The following AK4 variants were observed in gnomAD, a reference collection of about 807,000 sequenced individuals.
AK4 encodes the protein adenylate kinase 4, mitochondrial.
In AK4, 13 loss-of-function variants were observed where a neutral mutation model predicts 24.6. The observed-to-expected ratio is 0.53, with a 90% CI of 0.34 to 0.84. The LOEUF (loss-of-function observed/expected upper bound fraction) is 0.84, where lower values mean the gene tolerates loss of function less well. Ranked by LOEUF, AK4 falls within the 40% of genes least tolerant of loss-of-function variation. The probability of loss-of-function intolerance (pLI) is 0.01; values close to 1 mark genes in which losing one functional copy is unlikely to be tolerated. For missense variants in AK4, 192 were observed against 288.2 expected, an observed-to-expected ratio of 0.67 and a Z score of 2.42; for synonymous variants, 88 against 107.0, an observed-to-expected ratio of 0.82 and a Z score of 1.10.
At chr1:65,171,888 T>A (rs888717437) in intron 1 of AK4, among the ~76,000 whole-genome samples, 6 of 151,010 alleles carry the variant, frequency 4.0e-5, no homozygotes, top group African/African-American at 1.5e-4. Flanking sequence ...GCCAGTATGG[T>A]GAAACCCTAG....
At chr1:65,189,306 G>C (rs1651213154) in intron 1 of AK4, among the ~76,000 whole-genome samples, 1 of 131,846 alleles carries the variant, frequency 7.6e-6, no homozygotes. Context: ...TTTTTTTTGA[G>C]ATGGAGTTGT....
chr1:65,177,784 T>C (rs1477944861), intron 1 of AK4, among the ~76,000 whole-genome samples: 1 of 152,172 alleles, frequency 6.6e-6, no homozygotes, highest in East Asian at 1.9e-4. Context: ...TGCACCAATT[T>C]GTGTAGACTG....
chr1:65,174,288 T>TA (rs1194065421), intron 1 of AK4, among the ~76,000 whole-genome samples: 1 of 152,080 alleles, frequency 6.6e-6, no homozygotes, highest in African/African-American at 2.4e-5. Context: ...GTTTTTTTTT[T>TA]AACCTGATTA....
At chr1:65,212,747 A>G (rs1235622311) in intron 2 of AK4, among the ~76,000 whole-genome samples, 1 of 152,190 alleles carries the variant, frequency 6.6e-6, no homozygotes, top group Non-Finnish European at 1.5e-5. Context: ...CTGATACAGC[A>G]GCATCGTTGC....
At chr1:65,223,049 T>C (rs907690780) in intron 3 of AK4, among the ~76,000 whole-genome samples, 8 of 152,034 alleles carry the variant, frequency 5.3e-5, no homozygotes, top group Non-Finnish European at 1.2e-4. Context: ...CTGATTGTCA[T>C]GGGTAATTTA....
intron 1 of AK4, among the ~76,000 whole-genome samples, chr1:65,159,612 A>G (rs1650087866): frequency 6.6e-6 from 1 of 152,096 alleles, no homozygotes; most frequent in Non-Finnish European, 1.5e-5. Flanking sequence ...TAGTGAGGCT[A>G]CAGTGAGCTG....
intron 2 of AK4, among the ~76,000 whole-genome samples, chr1:65,218,159 G>A (rs1652187877): frequency 6.6e-6 from 1 of 152,118 alleles, no homozygotes; most frequent in African/African-American, 2.4e-5. Flanking sequence ...TCTGGATGGA[G>A]GATCATACTT....
At chr1:65,157,680 TCGG>T (rs1193087969) in intron 1 of AK4, among the ~76,000 whole-genome samples, 12 of 152,066 alleles carry the variant, frequency 7.9e-5, no homozygotes, top group African/African-American at 2.9e-4. Context: ...TCTCAGCTAC[TCGG>T]GAGGTTGAGG....
chr1:65,165,559 TG>T (rs1304790836), intron 1 of AK4, among the ~76,000 whole-genome samples: 2 of 139,264 alleles, frequency 1.4e-5, no homozygotes, highest in Non-Finnish European at 3.0e-5. Flanking sequence ...ATCCCATGTC[TG>T]GAAAAAAAAA....
intron 2 of AK4, among the ~76,000 whole-genome samples, chr1:65,207,711 C>T (rs1651854030): frequency 6.6e-6 from 1 of 152,154 alleles, no homozygotes; most frequent in African/African-American, 2.4e-5. Context: ...CTGGTTCAAG[C>T]AGTCCCTGTT....
intron 1 of AK4, among the ~76,000 whole-genome samples, chr1:65,153,023 A>AT (rs879930131): frequency 1.3e-5 from 2 of 152,002 alleles, no homozygotes; most frequent in Non-Finnish European, 2.9e-5. Flanking sequence ...GTTCTATTCC[A>AT]TTTCCCCCCC....
intron 1 of AK4, among the ~76,000 whole-genome samples, chr1:65,186,843 C>A (rs1570103710): frequency 6.6e-6 from 1 of 152,148 alleles, no homozygotes; most frequent in East Asian, 1.9e-4. Context: ...AAAACATACA[C>A]TCACACAATG....
intron 1 of AK4, chr1:65,154,589 A>G (rs1429998848): frequency 3.9e-6 from 2 of 514,326 alleles, no homozygotes; most frequent in East Asian, 5.4e-5. Context: ...TGTGGCCTCA[A>G]TACGTGCTGC....
chr1:65,206,875 A>G (rs574558366), intron 2 of AK4, among the ~76,000 whole-genome samples: 1 of 152,330 alleles, frequency 6.6e-6, no homozygotes, highest in African/African-American at 2.4e-5. Context: ...TGGAATATGC[A>G]TTTTCCCTTA....
intron 1 of AK4, among the ~76,000 whole-genome samples, chr1:65,186,194 GGT>G (rs1651095282): frequency 3.3e-5 from 5 of 152,154 alleles, no homozygotes; most frequent in African/African-American, 1.2e-4. Context: ...GTAGTGCAGT[GGT>G]GCAATCTCGG....
At chr1:65,181,984 TA>T (rs1650923761) in intron 1 of AK4, among the ~76,000 whole-genome samples, 1 of 152,098 alleles carries the variant, frequency 6.6e-6, no homozygotes, top group African/African-American at 2.4e-5. Context: ...GGCGCAGTCA[TA>T]GCTTGCTGCA....
chr1:65,176,631 C>A (rs1650724510), intron 1 of AK4, among the ~76,000 whole-genome samples: 1 of 152,106 alleles, frequency 6.6e-6, no homozygotes, highest in Non-Finnish European at 1.5e-5. Flanking sequence ...AGTCCTCTAC[C>A]CTTCACACAA....
rs1036606259 is a variant in AK4 at position 65,230,785 on chromosome 1, A to G, written c.*4608A>G. The G allele has an allele frequency of 6.6e-5, 10 of 152,248 alleles. No individual in the cohort carries two copies. Among genetic ancestry groups the G allele is most frequent in the African/African-American group, 2.4e-4 (10 of 41,458 alleles). The allele number at this position is 152,248 out of a possible 1,614,324, so 9.4% of individuals were successfully genotyped here. ...GTGCAGAGACAGGAAATGGGCACTC[A>G]GAGTCACACTGGTAGTTGCACACTG... On this transcript the variant is annotated 3_prime_UTR_variant, in exon 5 of 5. Transcript: ENST00000327299.
chr1:65,224,486 A>T (rs912465840), intron 3 of AK4, among the ~76,000 whole-genome samples: 1 of 152,210 alleles, frequency 6.6e-6, no homozygotes, highest in Non-Finnish European at 1.5e-5. Flanking sequence ...AATTGAAAGT[A>T]CCATTTATCA....
Sources: allele counts gnomAD v4.1 joint callset (sites outside exome capture counted in the v4.1 genomes callset), GRCh38; gene constraint gnomAD v4.1.1; transcripts MANE v1.5; gene names NCBI Gene and HGNC (gene_info 2026-07-23, HGNC 2026-07-21).